ANKRD36: variants seen among roughly 807,000 people sequenced by gnomAD.
The protein encoded by ANKRD36 is ankyrin repeat domain-containing protein 36A.
ANKRD36 carries 179 observed loss-of-function variants against 278.1 expected under a neutral mutation model. That is an observed-to-expected ratio of 0.64 (90% CI 0.57 to 0.73). The LOEUF (loss-of-function observed/expected upper bound fraction) is 0.73. Ranked by LOEUF, ANKRD36 falls within the 30% of genes least tolerant of loss-of-function variation. The pLI, the probability that ANKRD36 is intolerant of heterozygous loss-of-function variation, is 0.00. For missense variants in ANKRD36, 1,159 were observed against 1,956.7 expected, an observed-to-expected ratio of 0.59 and a Z score of 7.69; for synonymous variants, 320 against 641.1, an observed-to-expected ratio of 0.50 and a Z score of 7.57.
At chr2:97,196,981 T>C (rs573012694) in intron 42 of ANKRD36, among the ~76,000 whole-genome samples, 193 bp downstream of exon 42, 1 of 152,038 alleles carries the variant, frequency 6.6e-6, no homozygotes, top group East Asian at 2.0e-4. Flanking sequence ...CGTAAGATTA[T>C]ACACTTCCAC....
At chr2:97,205,897 C>A in intron 50 of ANKRD36, 43 bp from the exon 51 acceptor site, 1 of 1,524,382 alleles carries the variant, frequency 6.6e-7, no homozygotes, top group Non-Finnish European at 8.8e-7. Flanking sequence ...ATATCTTTAT[C>A]ATATTTACAT....
At chr2:97,226,968 C>G (rs1326572655) in intron 67 of ANKRD36, among the ~76,000 whole-genome samples, 2 of 152,050 alleles carry the variant, frequency 1.3e-5, no homozygotes, top group Non-Finnish European at 2.9e-5. Context: ...TGGCTCTGTT[C>G]TGTTCCATTG....
chr2:97,172,857 G>GTGTGTGTGTT (rs1233952119), intron 22 of ANKRD36, among the ~76,000 whole-genome samples: 2,041 of 146,072 alleles, frequency 0.014, no homozygotes, highest in African/African-American at 0.024. Flanking sequence ...GTGTGTGTGT[G>GTGTGTGTGTT]TATGTGTGTG....
rs1465776337 is a variant in ANKRD36, at chr2:97,218,385, C to T, written c.3776-665C>T. ...TTTTTGATGGGGTTTATATATTATA[C>T]CTTCTTGCCATTAGTGGATGAAGAA... is the stretch of plus-strand genomic sequence containing the variant. On this transcript the variant is annotated intron_variant, in intron 64 of 75. Coordinates refer to ENST00000420699, the MANE Select transcript of ANKRD36 (RefSeq NM_001354587.1). Among the ~76,000 whole-genome samples, 5 of 145,384 alleles carry T rather than the reference C, an allele frequency of 3.4e-5. No homozygotes were observed. The East Asian group carries it at 6.5e-4, about 19-fold the overall frequency.
intron 67 of ANKRD36, among the ~76,000 whole-genome samples, chr2:97,229,913 A>G (rs879357522): frequency 3.4e-4 from 51 of 152,092 alleles, no homozygotes; most frequent in African/African-American, 1.2e-3. Flanking sequence ...GTTTGGCAGG[A>G]TATGAAATTC....
intron 69 of ANKRD36, 53 bp from the exon 70 acceptor site, chr2:97,243,793 T>C: frequency 7.1e-7 from 1 of 1,407,694 alleles, no homozygotes; most frequent in Non-Finnish European, 9.4e-7. Flanking sequence ...AGATAAAAAA[T>C]TAGAGCTTAG....
chr2:97,151,880 T>A lies in ANKRD36; in HGVS notation c.1103T>A (p.Ile368Asn), dbSNP rs77391458. 2.3e-6 allele frequency: 3 copies of A among 1,321,008 alleles called. No homozygotes were observed. The Admixed American group carries it at 7.5e-5, about 33-fold the overall frequency. 81.8% of individuals were successfully genotyped at this position (1,321,008 alleles called of 1,614,324 possible). Residue 368 changes from isoleucine to asparagine, a missense_variant and splice_region_variant, in exon 13 of 76, where the codon ATT becomes AAT. By Grantham distance (149) the Ile-to-Asn change is moderately radical (BLOSUM62 -3). Coordinates refer to ENST00000420699, the MANE Select transcript of ANKRD36 (RefSeq NM_001354587.1). ...TENEFSLESE[I>N]ISKLYIPKRK... Reference sequence around the variant, plus strand: ...AAACCTATTGTGTTTTTCTTCTAGATTATTTCAAAACTATACATCCCAAAG... The same window carrying A: ...AAACCTATTGTGTTTTTCTTCTAGAATATTTCAAAACTATACATCCCAAAG...
At chr2:97,158,945 C>G (rs199773454) in intron 17 of ANKRD36, among the ~76,000 whole-genome samples, 665 of 128,196 alleles carry the variant, frequency 5.2e-3, no homozygotes, top group East Asian at 0.012. Context: ...GTAAATGATT[C>G]TTAGGTTTGC....
intron 36 of ANKRD36, 50 bp from the exon 37 acceptor site, chr2:97,192,808 A>T (rs753227180): frequency 6.4e-7 from 1 of 1,564,062 alleles, no homozygotes; most frequent in South Asian, 1.1e-5. Flanking sequence ...TGTATGGATA[A>T]CTTTGTCATA....
chr2:97,140,995 C>T (rs930905157), intron 6 of ANKRD36, among the ~76,000 whole-genome samples: 39 of 151,606 alleles, frequency 2.6e-4, no homozygotes, highest in Non-Finnish European at 7.4e-5. Context: ...AAGTTTTGCA[C>T]ATCAATGATA....
In ANKRD36 at chr2:97,198,579, C is replaced by T. The variant is rs1338655702; in HGVS notation, c.2683-7C>T. On this transcript the variant is annotated splice_polypyrimidine_tract_variant and splice_region_variant and intron_variant, in intron 43 of 75. Transcript: ENST00000420699. ...TAATTTATTATTTCATTTCAAATTC[C>T]ATTCAGGCTTCAAGTGCCGAGAAAG... is the stretch of plus-strand genomic sequence containing the variant. 2 of 1,549,646 alleles carry T rather than the reference C, an allele frequency of 1.3e-6. No homozygotes were observed. The highest frequency in any genetic ancestry group is 2.0e-5 in the Admixed American group (1 of 50,996).
intron 18 of ANKRD36, 56 bp from the exon 19 acceptor site, chr2:97,164,227 T>A (rs1024091805): frequency 3.0e-5 from 45 of 1,493,974 alleles, no homozygotes; most frequent in Non-Finnish European, 3.5e-5. Context: ...GCATGATTGA[T>A]GGTAGGCTGT....
intron 66 of ANKRD36, among the ~76,000 whole-genome samples, chr2:97,222,535 C>T (rs150863520): frequency 5.1e-4 from 77 of 152,174 alleles, no homozygotes; most frequent in African/African-American, 1.4e-3. Flanking sequence ...TGAGGTGAGA[C>T]GATACCTCAT....
chr2:97,200,305 A>G lies in ANKRD36; in HGVS notation c.2756-29A>G, dbSNP rs1312601497. ...GATAATTTTATCATGTTTACATGTG[A>G]GTGATTATGTATCCCTTTTGCTTTT... is the stretch of plus-strand genomic sequence containing the variant. On this transcript the variant is annotated intron_variant, in intron 44 of 75. Transcript: ENST00000420699. 1.2e-5 allele frequency: 20 copies of G among 1,607,246 alleles called. No individual in the cohort carries two copies. The African/African-American group carries it at 2.5e-4, about 20-fold the overall frequency.
At position 97,125,069 on chromosome 2, in the gene ANKRD36, A is replaced by G. The variant is rs112773590; in HGVS notation, c.731+472A>G. Among the ~76,000 whole-genome samples the G allele has an allele frequency of 7.1e-3, 1,070 of 151,658 alleles. 20 individuals are homozygous for G. Among genetic ancestry groups the G allele is most frequent in the African/African-American group, 0.024 (998 of 41,432 alleles). Reference sequence around the variant, plus strand: ...GGGTTCCCTAAGTCCAAGGAAGACAATCAGTGTCTACAAGTCAGAAGGAGA... The same window carrying G: ...GGGTTCCCTAAGTCCAAGGAAGACAGTCAGTGTCTACAAGTCAGAAGGAGA... On this transcript the variant is annotated intron_variant, in intron 5 of 75. Coordinates refer to ENST00000420699, the MANE Select transcript of ANKRD36 (RefSeq NM_001354587.1).
intron 40 of ANKRD36, among the ~76,000 whole-genome samples, chr2:97,195,680 C>T (rs1220440820): frequency 1.3e-5 from 2 of 151,956 alleles, no homozygotes; most frequent in Non-Finnish European, 2.9e-5. Flanking sequence ...GGAGCTACCT[C>T]TTGGATAAAA....
At position 97,113,707 on chromosome 2, in the gene ANKRD36, A is replaced by G; in HGVS notation, c.-33A>G. On this transcript the variant is annotated 5_prime_UTR_variant, in exon 1 of 76. In the 5' UTR this introduces an upstream ATG that the reference lacks. Transcript: ENST00000420699. ...GCGATCCCCGAAGGCGAGCTGAAAT[A>G]CGGCTGCAGGCTACAATTTGCAGCC... 1 of 1,610,260 alleles carries G rather than the reference A, an allele frequency of 6.2e-7. No homozygotes were observed. The highest frequency in any genetic ancestry group is 8.5e-7 in the Non-Finnish European group (1 of 1,179,472).
At chr2:97,166,986 A>G (rs553081574) in intron 20 of ANKRD36, among the ~76,000 whole-genome samples, 1 of 150,472 alleles carries the variant, frequency 6.6e-6, no homozygotes, top group South Asian at 2.1e-4. Flanking sequence ...AACATGAAAA[A>G]AGCCTCTGAT....
rs769561222 is a variant in ANKRD36 at position 97,194,260 on chromosome 2, G to A, written c.2450-466G>A. On this transcript the variant is annotated intron_variant, in intron 38 of 75. Coordinates refer to ENST00000420699, the MANE Select transcript of ANKRD36 (RefSeq NM_001354587.1). The stretch of plus-strand genomic sequence containing the variant: ...GTGTACGTTCAACTGGAGGGTCATC[G>A]TAATTGTGTGCCTTCTCATTTATTG... Among the ~76,000 whole-genome samples, 23 of 151,744 alleles carry A rather than the reference G, an allele frequency of 1.5e-4. 1 individual carries two copies. The highest frequency in any genetic ancestry group is 4.2e-4 in the South Asian group (2 of 4,766).
Sources: allele counts gnomAD v4.1 joint callset (sites outside exome capture counted in the v4.1 genomes callset), GRCh38; gene constraint gnomAD v4.1.1; transcripts MANE v1.5; gene names NCBI Gene and HGNC (gene_info 2026-07-23, HGNC 2026-07-21).